The following ZNF611 variants were observed in gnomAD, a reference collection of about 807,000 sequenced individuals.
The protein encoded by ZNF611 is zinc finger protein 611.
Under a neutral mutation model 8.9 loss-of-function variants are expected in ZNF611, and 6 were observed. That is an observed-to-expected ratio of 0.68 (90% CI 0.37 to 1.34). ZNF611 has a LOEUF of 1.34. ZNF611 is among the 40% of genes most tolerant of loss of function. The pLI, the probability that ZNF611 is intolerant of heterozygous loss-of-function variation, is 0.02. For missense variants in ZNF611, 874 were observed against 841.3 expected, an observed-to-expected ratio of 1.04 and a Z score of -0.48; for synonymous variants, 262 against 279.7, an observed-to-expected ratio of 0.94 and a Z score of 0.63.
intron 5 of ZNF611, among the ~76,000 whole-genome samples, chr19:52,709,242 T>A (rs1008766562): frequency 1.2e-4 from 18 of 152,104 alleles, no homozygotes; most frequent in African/African-American, 4.1e-4. Context: ...ATTTTTTCTT[T>A]CTTTTTTTCT....
At chr19:52,726,898 C>T (rs1343012824) in intron 3 of ZNF611, among the ~76,000 whole-genome samples, 1 of 152,036 alleles carries the variant, frequency 6.6e-6, no homozygotes, top group Non-Finnish European at 1.5e-5. Flanking sequence ...CAGAGTATTT[C>T]TCTGTGGCCC....
intron 2 of ZNF611, among the ~76,000 whole-genome samples, chr19:52,729,304 A>T (rs1424825618): frequency 6.6e-6 from 1 of 152,032 alleles, no homozygotes; most frequent in Non-Finnish European, 1.5e-5. Context: ...TGTATTGTCA[A>T]ATAATCATAG....
At chr19:52,729,365 C>G (rs924424825) in intron 2 of ZNF611, among the ~76,000 whole-genome samples, 15 of 151,536 alleles carry the variant, frequency 9.9e-5, no homozygotes, top group African/African-American at 3.4e-4. Context: ...TGGTGGCTTG[C>G]GCCTGCAGTC....
rs190963151 is a variant in ZNF611, at chr19:52,720,322, T to C, written c.-19-4409A>G. Reference sequence around the variant, plus strand: ...AGGCTGTCACTTCACACTTGGAAGATTGCACAGCGGCCAGGCAGAGGCGCC... The same window carrying C: ...AGGCTGTCACTTCACACTTGGAAGACTGCACAGCGGCCAGGCAGAGGCGCC... On this transcript the variant is annotated intron_variant, in intron 3 of 5. Transcript: ENST00000652185. Among the ~76,000 whole-genome samples the C allele has an allele frequency of 8.1e-4, 124 of 152,304 alleles. 1 individual carries two copies. The highest frequency in any genetic ancestry group is 6.3e-3 in the Admixed American group (96 of 15,304).
At chr19:52,721,658 A>G (rs1177078939) in intron 3 of ZNF611, among the ~76,000 whole-genome samples, 2 of 144,080 alleles carry the variant, frequency 1.4e-5, no homozygotes, top group African/African-American at 5.8e-5. Flanking sequence ...ACAGAGGGAG[A>G]CCGTGGAAAG....
intron 3 of ZNF611, chr19:52,721,053 G>C (rs576892010): frequency 6.7e-6 from 1 of 148,400 alleles, no homozygotes; most frequent in Admixed American, 6.6e-5. Context: ...CAGGGCAGCC[G>C]AGCAGAGGGG....
intron 1 of ZNF611, among the ~76,000 whole-genome samples, chr19:52,732,773 C>G (rs1025998942): frequency 1.1e-4 from 15 of 138,570 alleles, no homozygotes; most frequent in Admixed American, 5.8e-4. Context: ...AGTGAAACTC[C>G]GTTTCTACAA....
At position 52,706,780 on chromosome 19, in the gene ZNF611, C is replaced by T. The variant is rs770992064; in HGVS notation, c.275G>A (p.Arg92Lys). ...ATCTCCAATGTGATGACTTTCATGT[C>T]TTTGCAATGTCCCTGTGTGGATCAC... ...TEVIHTGTLQRHESHHIGDFC... is the reference protein window; with the variant it reads ...TEVIHTGTLQKHESHHIGDFC... Residue 92 changes from arginine (R) to lysine (K), a missense_variant, in exon 6 of 6, where the codon AGA becomes AAA. Physicochemically the swap from Arg to Lys is conservative, Grantham distance 26. Coordinates refer to ENST00000652185, the MANE Select transcript of ZNF611 (RefSeq NM_001161499.2). 7 of 1,614,110 alleles carry T rather than the reference C, an allele frequency of 4.3e-6. 1 individual carries two copies. Among genetic ancestry groups the T allele is most frequent in the Non-Finnish European group, 4.2e-6 (5 of 1,180,004 alleles).
chr19:52,734,552 G>A (rs1470703915), intron 1 of ZNF611, among the ~76,000 whole-genome samples: 2 of 146,418 alleles, frequency 1.4e-5, no homozygotes, highest in Non-Finnish European at 3.0e-5. Context: ...GGGGGGGCGC[G>A]ACGGCGCCTT....
chr19:52,714,291 T>A (rs1261736482), intron 4 of ZNF611, 150 bp from the exon 5 acceptor site: 1 of 1,438,978 alleles, frequency 6.9e-7, no homozygotes, highest in Non-Finnish European at 9.2e-7. Flanking sequence ...ATTTTTTCCC[T>A]ATAGTTGCGT....
chr19:52,706,322 G>A lies in ZNF611; in HGVS notation c.733C>T (p.Leu245Phe). The A allele has an allele frequency of 6.2e-7, 1 of 1,614,146 alleles. No homozygotes were observed. The highest frequency in any genetic ancestry group is 1.3e-5 in the African/African-American group (1 of 75,044). ...KSGKAFNCSS[L>F]LRKHQIPHLG... ...TGGGGTATCTGGTGTTTCCTTAAGA[G>A]TGAGCTACAATTAAAGGCTTTGCCA... is the stretch of plus-strand genomic sequence containing the variant. Residue 245 changes from leucine (L) to phenylalanine (F), a missense_variant, in exon 6 of 6, where the codon CTC becomes TTC. Physicochemically the swap from Leu to Phe is conservative, Grantham distance 22. Coordinates refer to ENST00000652185, the MANE Select transcript of ZNF611 (RefSeq NM_001161499.2).
chr19:52,720,526 C>A (rs2062350040), intron 3 of ZNF611, among the ~76,000 whole-genome samples: 1 of 150,674 alleles, frequency 6.6e-6, no homozygotes, highest in Admixed American at 6.6e-5. Context: ...GGCGGCCGGG[C>A]AGAGGCGCTC....
At chr19:52,715,763 G>A in intron 4 of ZNF611, 69 bp downstream of exon 4, 1 of 1,594,512 alleles carries the variant, frequency 6.3e-7, no homozygotes. Context: ...AGAAAAGACT[G>A]GCTGCTACAA....
Position 52,717,757 on chromosome 19 carries a change from C to A in ZNF611, c.-19-1844G>T, listed in dbSNP as rs912303601. The A allele has an allele frequency of 5.5e-6, 5 of 910,728 alleles. No homozygotes were observed. In the African/African-American group the frequency reaches 9.0e-5, roughly 16 times the overall value. The allele number at this position is 910,728 out of a possible 1,614,324, so 56.4% of individuals were successfully genotyped here. A position where few individuals can be genotyped will look rare whatever the true frequency, so the allele number is the denominator to read the frequency against. On this transcript the variant is annotated intron_variant, in intron 3 of 5. Coordinates refer to ENST00000652185, the MANE Select transcript of ZNF611 (RefSeq NM_001161499.2). ...ACTTACTTAGAAGCTCACAGATCACCATTTTTTCAGATGATATGAGGAAAG... is the reference window on the plus strand; with the variant it reads ...ACTTACTTAGAAGCTCACAGATCACAATTTTTTCAGATGATATGAGGAAAG...
intron 3 of ZNF611, chr19:52,724,617 CCTCTT>C (rs1223185857): frequency 6.6e-5 from 10 of 152,242 alleles, no homozygotes; most frequent in East Asian, 3.9e-4. Context: ...TATATTACCG[CCTCTT>C]CTCTTATCTC....
At chr19:52,715,004 C>T (rs2062307138) in intron 4 of ZNF611, among the ~76,000 whole-genome samples, 1 of 151,604 alleles carries the variant, frequency 6.6e-6, no homozygotes, top group Non-Finnish European at 1.5e-5. Flanking sequence ...CTCACACACA[C>T]AAAAACAAAA....
At chr19:52,723,668 T>C (rs1454506588) in intron 3 of ZNF611, 1 of 152,114 alleles carries the variant, frequency 6.6e-6, no homozygotes, top group Non-Finnish European at 1.5e-5. Context: ...AACAGTGGGC[T>C]CAGAGGACCA....
intron 3 of ZNF611, among the ~76,000 whole-genome samples, chr19:52,721,827 C>T (rs1027047586): frequency 5.1e-4 from 77 of 151,948 alleles, no homozygotes; most frequent in African/African-American, 1.7e-3. Context: ...TGCAATGATG[C>T]GATCTCAGCT....
rs1010649029 is a variant in ZNF611, at chr19:52,706,400, G to T, written c.655C>A (p.Pro219Thr). ...CTCATGTGTACTTCCTGTTTTTGTG[G>T]GAGTAATGAAGAATTCAGGGGATTA... ...GNNPLNSSLL[P>T]QKQEVHMREK... The change falls in exon 6 of 6, where the codon CCA becomes ACA. Residue 219 changes from proline (P) to threonine (T), a missense_variant. Physicochemically the swap from Pro to Thr is conservative, Grantham distance 38. Coordinates refer to ENST00000652185, the MANE Select transcript of ZNF611 (RefSeq NM_001161499.2). 3 of 1,614,046 alleles carry T rather than the reference G, an allele frequency of 1.9e-6. No individual in the cohort carries two copies. Among genetic ancestry groups the T allele is most frequent in the Admixed American group, 3.3e-5 (2 of 60,000 alleles).
Sources: gnomAD v4.1 joint callset for allele counts (sites outside exome capture counted in the v4.1 genomes callset) on GRCh38, gnomAD v4.1.1 for gene constraint, MANE v1.5 for transcripts, NCBI Gene and HGNC (gene_info 2026-07-23, HGNC 2026-07-21) for gene names.